SLC2A9: variants seen among roughly 807,000 people sequenced by gnomAD.
SLC2A9 encodes the protein solute carrier family 2, facilitated glucose transporter member 9.
SLC2A9 carries 39 observed loss-of-function variants against 50.6 expected under a neutral mutation model. The observed-to-expected ratio is 0.77, with a 90% CI of 0.60 to 1.01. The LOEUF is 1.01. Among genes scored for constraint, SLC2A9 ranks in the 50% least tolerant of loss-of-function variants. The pLI is 0.00. For missense variants in SLC2A9, 686 were observed against 677.6 expected, an observed-to-expected ratio of 1.01 and a Z score of -0.14; for synonymous variants, 324 against 276.9, an observed-to-expected ratio of 1.17 and a Z score of -1.69.
At chr4:9,829,471 C>CAAAA (rs33935471) in intron 11 of SLC2A9, among the ~76,000 whole-genome samples, 165 of 135,912 alleles carry the variant, frequency 1.2e-3, no homozygotes, top group African/African-American at 4.3e-3. Context: ...ACAAAAATGT[C>CAAAA]AAAAAAAAAA....
intron 2 of SLC2A9, among the ~76,000 whole-genome samples, chr4:10,003,732 T>C (rs973651916): frequency 2.0e-5 from 3 of 152,212 alleles, no homozygotes; most frequent in Non-Finnish European, 2.9e-5. Context: ...ACCTCACCTA[T>C]GGCAAAACAT....
At chr4:9,985,261 G>A (rs1578193044) in intron 4 of SLC2A9, among the ~76,000 whole-genome samples, 1 of 152,144 alleles carries the variant, frequency 6.6e-6, no homozygotes, top group African/African-American at 2.4e-5. Context: ...CCTCGCAGGT[G>A]CTCTACAAAT....
At chr4:9,858,403 G>T (rs1250282568) in intron 10 of SLC2A9, among the ~76,000 whole-genome samples, 1 of 152,182 alleles carries the variant, frequency 6.6e-6, no homozygotes, top group African/African-American at 2.4e-5. Flanking sequence ...CTTTATCAAG[G>T]CTGCTATGGT....
chr4:9,992,880 T>C (rs919773781), intron 3 of SLC2A9, among the ~76,000 whole-genome samples: 1 of 152,226 alleles, frequency 6.6e-6, no homozygotes, highest in Non-Finnish European at 1.5e-5. Flanking sequence ...TCCACCCTCA[T>C]AGCTGCTCCC....
At chr4:9,810,065 A>G (rs1358445212) in intron 3 of SLC2A9, among the ~76,000 whole-genome samples, 1 of 152,042 alleles carries the variant, frequency 6.6e-6, no homozygotes, top group Admixed American at 6.5e-5. Flanking sequence ...CCATGTTCTA[A>G]TTGTTGGCAT....
chr4:9,953,018 G>A (rs1750591012), intron 5 of SLC2A9, among the ~76,000 whole-genome samples: 2 of 152,162 alleles, frequency 1.3e-5, no homozygotes, highest in Admixed American at 6.5e-5. Flanking sequence ...AAGATGCTTT[G>A]CAAAAGTCCT....
chr4:9,805,163 T>C (rs1721958432), intron 3 of SLC2A9, among the ~76,000 whole-genome samples: 1 of 152,186 alleles, frequency 6.6e-6, no homozygotes, highest in Non-Finnish European at 1.5e-5. Context: ...CTCAGTGGTT[T>C]ACAGCAGCAA....
At chr4:9,800,892 T>A (rs1383205981) in intron 3 of SLC2A9, among the ~76,000 whole-genome samples, 1 of 152,138 alleles carries the variant, frequency 6.6e-6, no homozygotes, top group Non-Finnish European at 1.5e-5. Context: ...TAGCCATGGA[T>A]ACCGAGGGAC....
intron 5 of SLC2A9, among the ~76,000 whole-genome samples, chr4:9,960,813 A>G (rs1469464262): frequency 1.3e-5 from 2 of 152,100 alleles, no homozygotes; most frequent in Non-Finnish European, 2.9e-5. Flanking sequence ...GCAGAAGGGA[A>G]ATGGGGGCAG....
chr4:9,936,198 G>A (rs1258295639), intron 6 of SLC2A9, among the ~76,000 whole-genome samples: 11 of 152,324 alleles, frequency 7.2e-5, no homozygotes, highest in South Asian at 2.1e-4. Context: ...TGATCAGGTC[G>A]GGGGTGCAGA....
intron 6 of SLC2A9, among the ~76,000 whole-genome samples, chr4:9,921,432 G>A (rs908550133): frequency 6.6e-6 from 1 of 152,176 alleles, no homozygotes; most frequent in South Asian, 2.1e-4. Context: ...AGATTTCAAT[G>A]CTCAGTGCTC....
At chr4:9,794,773 C>T (rs1389620884), downstream of SLC2A9, among the ~76,000 whole-genome samples, 1 of 152,182 alleles carries the variant, frequency 6.6e-6, no homozygotes, top group African/African-American at 2.4e-5. Context: ...GATCCCTCAG[C>T]AGCTTGAGAA....
chr4:9,952,773 C>CCA (rs1166111584), intron 5 of SLC2A9, among the ~76,000 whole-genome samples: 2 of 152,208 alleles, frequency 1.3e-5, no homozygotes, highest in East Asian at 3.8e-4. Flanking sequence ...GATCTGCCTG[C>CCA]CACAGCTTCC....
intron 5 of SLC2A9, among the ~76,000 whole-genome samples, chr4:9,964,101 G>C (rs1373054896): frequency 6.6e-6 from 1 of 152,130 alleles, no homozygotes; most frequent in Admixed American, 6.6e-5. Flanking sequence ...GAATATCGAG[G>C]GGGAGACATT....
intron 3 of SLC2A9, among the ~76,000 whole-genome samples, chr4:9,808,121 C>T (rs556140575): frequency 3.5e-4 from 54 of 152,316 alleles, no homozygotes; most frequent in African/African-American, 1.3e-3. Flanking sequence ...GCAGGCAGGG[C>T]TGTCACGGTG....
intron 8 of SLC2A9, among the ~76,000 whole-genome samples, chr4:9,900,090 A>T (rs925653458): frequency 6.6e-6 from 1 of 152,218 alleles, no homozygotes; most frequent in Non-Finnish European, 1.5e-5. Flanking sequence ...AGGAGCAGAG[A>T]AAGAGACACT....
intron 5 of SLC2A9, among the ~76,000 whole-genome samples, chr4:9,950,053 G>A (rs912323491): frequency 2.6e-5 from 4 of 152,146 alleles, no homozygotes; most frequent in South Asian, 2.1e-4. Context: ...GGCTGGTCGT[G>A]TTTGCCTTAC....
At chr4:9,881,863 T>G (rs1735273490) in intron 10 of SLC2A9, among the ~76,000 whole-genome samples, 4 of 152,232 alleles carry the variant, frequency 2.6e-5, no homozygotes, top group Admixed American at 2.6e-4. Context: ...CTAATTCATC[T>G]CAGCCCCTGG....
intron 10 of SLC2A9, among the ~76,000 whole-genome samples, chr4:9,882,107 T>G (rs563237720): frequency 1.3e-5 from 2 of 152,248 alleles, no homozygotes; most frequent in Admixed American, 6.5e-5. Context: ...AAAATCAACA[T>G]GCTTTTAATT....
Sources: gnomAD v4.1 joint callset for allele counts (sites outside exome capture counted in the v4.1 genomes callset) on GRCh38, gnomAD v4.1.1 for gene constraint, MANE v1.5 for transcripts, NCBI Gene and HGNC (gene_info 2026-07-23, HGNC 2026-07-21) for gene names.